The following ZNF138 variants were observed in gnomAD, a reference collection of about 807,000 sequenced individuals.
ZNF138 encodes zinc finger protein 138.
In ZNF138, 33 loss-of-function variants were observed where a neutral mutation model predicts 33.0. That is an observed-to-expected ratio of 1.00 (90% CI 0.76 to 1.34). The LOEUF is 1.34. ZNF138 is among the 40% of genes most tolerant of loss of function. ZNF138 has a pLI of 0.00. For synonymous variants in ZNF138, 139 were observed against 120.4 expected (o/e 1.15, Z -1.01); for missense variants, 360 against 370.8 (o/e 0.97, Z 0.24).
intron 1 of ZNF138, among the ~76,000 whole-genome samples, chr7:64,796,402 T>A (rs927930287): frequency 6.6e-6 from 1 of 152,146 alleles, no homozygotes; most frequent in Non-Finnish European, 1.5e-5. Context: ...ATACATCTGT[T>A]TTTTAATCAG....
the ZNF138 span, among the ~76,000 whole-genome samples, chr7:64,855,106 T>C: frequency 1.3e-5 from 2 of 152,154 alleles, no homozygotes; most frequent in Non-Finnish European, 2.9e-5. Flanking sequence ...TATAGGTGCG[T>C]GTGGACATCA....
downstream of ZNF138, among the ~76,000 whole-genome samples, chr7:64,834,071 A>G (rs1790295421): frequency 6.6e-6 from 1 of 152,220 alleles, no homozygotes. Flanking sequence ...TTTGAAGACA[A>G]ACATTAGAAA....
chr7:64,823,653 G>A (rs1562916730), intron 3 of ZNF138, among the ~76,000 whole-genome samples: 4 of 152,256 alleles, frequency 2.6e-5, no homozygotes, highest in African/African-American at 7.2e-5. Flanking sequence ...TAAATTTAAT[G>A]AGGCAGCTGG....
chr7:64,836,306 C>G (rs1583913805), downstream of ZNF138: 1 of 152,114 alleles, frequency 6.6e-6, no homozygotes, highest in South Asian at 2.1e-4. Context: ...AGGTTTTGTA[C>G]CCCTGTGGAT....
chr7:64,809,060 C>T (rs1170829168), intron 1 of ZNF138, among the ~76,000 whole-genome samples: 4 of 121,224 alleles, frequency 3.3e-5, no homozygotes, highest in African/African-American at 8.8e-5. Context: ...TCCACAAAGC[C>T]GCCATTGTCA....
chr7:64,803,520 T>G (rs1044372910), intron 1 of ZNF138, among the ~76,000 whole-genome samples: 2 of 152,028 alleles, frequency 1.3e-5, no homozygotes, highest in Admixed American at 6.6e-5. Flanking sequence ...AACAGTGGAG[T>G]CTGTGGTTGT....
In ZNF138 at chr7:64,832,251, T is replaced by C; in HGVS notation, c.*49T>C. 1 of 1,602,240 alleles carries C rather than the reference T, an allele frequency of 6.2e-7. No individual in the cohort carries two copies. Among genetic ancestry groups the C allele is most frequent in the South Asian group, 1.1e-5 (1 of 89,506 alleles). On this transcript the variant is annotated 3_prime_UTR_variant, in exon 4 of 4. Transcript: ENST00000307355. ...TTACACTAGAGAGAAAGCCTACAAA[T>C]GTGAAGAATGTGGCAAAGCCTTTAA...
chr7:64,809,040 G>A (rs1315130671), intron 1 of ZNF138, among the ~76,000 whole-genome samples: 1 of 125,924 alleles, frequency 7.9e-6, no homozygotes, highest in African/African-American at 2.8e-5. Context: ...CACCTTTCCC[G>A]CCTTTCTATT....
rs1385035067 is a variant in ZNF138, at chr7:64,833,396, T to C, written c.*1194T>C. On this transcript the variant is annotated 3_prime_UTR_variant, in exon 4 of 4. Coordinates refer to ENST00000307355, the MANE Select transcript of ZNF138 (RefSeq NM_001271639.2). ...CTAAACATAAAGGAAATCATACTGG[T>C]AAGAAATTATAAAAATGTGAAGAAT... 1 of 158,300 alleles carries C rather than the reference T, an allele frequency of 6.3e-6. No individual in the cohort carries two copies. The highest frequency in any genetic ancestry group is 1.9e-4 in the East Asian group (1 of 5,304). The allele number at this position is 158,300 out of a possible 1,614,324, so 9.8% of individuals were successfully genotyped here. A position where few individuals can be genotyped will look rare whatever the true frequency, so the allele number is the denominator to read the frequency against.
At chr7:64,811,888 A>T (rs185885470) in intron 1 of ZNF138, among the ~76,000 whole-genome samples, 247 of 152,314 alleles carry the variant, frequency 1.6e-3, no homozygotes, top group African/African-American at 5.7e-3. Context: ...GCAGTATCAC[A>T]TTACATAGGG....
At chr7:64,795,726 A>G (rs960692798) in intron 1 of ZNF138, among the ~76,000 whole-genome samples, 5 of 151,182 alleles carry the variant, frequency 3.3e-5, no homozygotes, top group Non-Finnish European at 5.9e-5. Context: ...AGATCTTATC[A>G]GAATATTTTT....
chr7:64,811,073 T>G (rs1211548104), intron 1 of ZNF138, among the ~76,000 whole-genome samples: 1 of 152,174 alleles, frequency 6.6e-6, no homozygotes, highest in Non-Finnish European at 1.5e-5. Flanking sequence ...TGCATTAAAG[T>G]TTTTCTTTCT....
At chr7:64,826,856 G>T (rs1583883018) in intron 3 of ZNF138, among the ~76,000 whole-genome samples, 1 of 151,740 alleles carries the variant, frequency 6.6e-6, no homozygotes, top group East Asian at 1.9e-4. Flanking sequence ...TGCCATGTTG[G>T]CCAGGCTAGT....
At chr7:64,824,673 T>C (rs1043174216) in intron 3 of ZNF138, among the ~76,000 whole-genome samples, 4 of 152,240 alleles carry the variant, frequency 2.6e-5, no homozygotes, top group African/African-American at 9.6e-5. Flanking sequence ...ATAATAGTTA[T>C]AAATTCTTGA....
intron 3 of ZNF138, among the ~76,000 whole-genome samples, chr7:64,817,853 ATTAG>A (rs1407888688): frequency 6.6e-6 from 1 of 152,086 alleles, no homozygotes; most frequent in African/African-American, 2.4e-5. Context: ...CTGGAAGTAA[ATTAG>A]TTAATTAGTA....
chr7:64,805,984 T>G lies in ZNF138; in HGVS notation c.4-8934T>G, dbSNP rs1296182435. ...TGTCTTTGCAATCTCTTAAACAGATTGAGTGTGATGCATGTCACATTTGGT... is the reference window on the plus strand; with the variant it reads ...TGTCTTTGCAATCTCTTAAACAGATGGAGTGTGATGCATGTCACATTTGGT... On this transcript the variant is annotated intron_variant, in intron 1 of 3. Transcript: ENST00000307355. Among the ~76,000 whole-genome samples, 4 of 152,238 alleles carry G rather than the reference T, an allele frequency of 2.6e-5. No individual in the cohort carries two copies. The East Asian group carries it at 7.7e-4, about 29-fold the overall frequency.
chr7:64,853,271 G>A, the ZNF138 span: 5 of 1,611,584 alleles, frequency 3.1e-6, no homozygotes, highest in Admixed American at 6.7e-5. Flanking sequence ...TGTAGCCTGT[G>A]CCCTTCAGTT....
the ZNF138 span, among the ~76,000 whole-genome samples, chr7:64,851,614 T>C: frequency 7.2e-5 from 11 of 152,212 alleles, no homozygotes; most frequent in Admixed American, 7.2e-4. Flanking sequence ...TATATTGAAT[T>C]GTAAATGAGT....
At chr7:64,805,052 A>C (rs937619029) in intron 1 of ZNF138, among the ~76,000 whole-genome samples, 1 of 152,284 alleles carries the variant, frequency 6.6e-6, no homozygotes, top group African/African-American at 2.4e-5. Context: ...AGCTATCCCT[A>C]TCTGGACTCA....
Sources: allele counts gnomAD v4.1 joint callset (sites outside exome capture counted in the v4.1 genomes callset), GRCh38; gene constraint gnomAD v4.1.1; transcripts MANE v1.5; gene names NCBI Gene and HGNC (gene_info 2026-07-23, HGNC 2026-07-21).